Variants in KAZN observed in about 807,000 individuals in gnomAD.
KAZN encodes kazrin, periplakin interacting protein.
KAZN carries 40 observed loss-of-function variants against 87.4 expected under a neutral mutation model. The observed-to-expected ratio is 0.46, with a 90% CI of 0.36 to 0.60. KAZN has a LOEUF of 0.60. Among genes scored for constraint, KAZN ranks in the 20% least tolerant of loss-of-function variants. KAZN has a pLI of 0.00. For synonymous variants in KAZN, 466 were observed against 458.3 expected (o/e 1.02, Z -0.22); for missense variants, 898 against 1,073.9 (o/e 0.84, Z 2.29).
At position 14,996,627 on chromosome 1, in the gene KAZN, A is replaced by G. The variant is rs929206201; in HGVS notation, c.418+35752A>G. Among the ~76,000 whole-genome samples, 3 of 152,222 alleles carry G rather than the reference A, an allele frequency of 2.0e-5. No individual in the cohort carries two copies. Among genetic ancestry groups the G allele is most frequent in the East Asian group, 1.9e-4 (1 of 5,202 alleles). On this transcript the variant is annotated intron_variant, in intron 2 of 14. Transcript: ENST00000376030. This position sits in a 1 kb window ranked among gnomAD's most constrained non-coding sequence, Gnocchi z 5.9. ...CGCCAGCACCCTCCCACGGGCGTGC[A>G]GATCTGACAAGATCAGGATCTGGGT... is the stretch of plus-strand genomic sequence containing the variant.
chr1:14,960,590 C>A, intron 1 of KAZN, 94 bp from the exon 2 acceptor site: 1 of 1,375,798 alleles, frequency 7.3e-7, no homozygotes, highest in Non-Finnish European at 9.9e-7. Context: ...GCAGAGCAAA[C>A]AAAAAAGCCA....
At chr1:14,495,221 T>C (rs1008515508) in intron 2 of KAZN, among the ~76,000 whole-genome samples, 2 of 152,218 alleles carry the variant, frequency 1.3e-5, no homozygotes, top group African/African-American at 4.8e-5. Flanking sequence ...CAGGTTAAAG[T>C]AGATTTCATT....
At chr1:15,097,143 T>C (rs1281645962) in intron 10 of KAZN, among the ~76,000 whole-genome samples, 1 of 152,128 alleles carries the variant, frequency 6.6e-6, no homozygotes, top group Non-Finnish European at 1.5e-5. Flanking sequence ...ATTAGGACAG[T>C]GGTTTTTAAA....
At chr1:14,288,688 C>T (rs1184956990) in intron 2 of KAZN, among the ~76,000 whole-genome samples, 1 of 152,170 alleles carries the variant, frequency 6.6e-6, no homozygotes, top group Non-Finnish European at 1.5e-5. Context: ...TCCTTCAGTT[C>T]TGCTCTGATC....
At position 14,229,805 on chromosome 1, in the gene KAZN, T is replaced by C. The variant is rs144652564; in HGVS notation, c.249+49213T>C. ...TCAAGAAATATCTACAGGAAGATGTTCTGAAAAATTGAGTCTCTCTCGCAG... is the reference window on the plus strand; with the variant it reads ...TCAAGAAATATCTACAGGAAGATGTCCTGAAAAATTGAGTCTCTCTCGCAG... On this transcript the variant is annotated intron_variant, in intron 2 of 16. Coordinates refer to the KAZN transcript ENST00000636203. Among the ~76,000 whole-genome samples, 350 of 152,362 alleles carry C rather than the reference T, an allele frequency of 2.3e-3. 2 individuals carry two copies. The highest frequency in any genetic ancestry group is 7.8e-3 in the African/African-American group (326 of 41,596).
At chr1:14,690,054 C>A (rs1297859117) in intron 1 of KAZN, among the ~76,000 whole-genome samples, 2 of 152,070 alleles carry the variant, frequency 1.3e-5, no homozygotes, top group Non-Finnish European at 2.9e-5. Flanking sequence ...CCCTTTATGG[C>A]CAAAGCAACC....
intron 2 of KAZN, among the ~76,000 whole-genome samples, chr1:14,472,374 G>GA (rs1447157309): frequency 1.3e-5 from 2 of 152,208 alleles, no homozygotes; most frequent in East Asian, 3.8e-4. Context: ...ATGCAATGGG[G>GA]AAGAGTCTAT....
intron 2 of KAZN, among the ~76,000 whole-genome samples, chr1:14,556,015 T>C (rs1673844379): frequency 6.6e-6 from 1 of 152,188 alleles, no homozygotes; most frequent in South Asian, 2.1e-4. Context: ...CATTCGGTGA[T>C]ATGTTGTTTA....
chr1:15,027,253 T>C (rs1485291029), intron 2 of KAZN, among the ~76,000 whole-genome samples: 1 of 151,964 alleles, frequency 6.6e-6, no homozygotes, highest in African/African-American at 2.4e-5. Flanking sequence ...GCTAATTTTT[T>C]GTAATTTTAG....
chr1:14,425,233 C>A (rs1358644944), intron 2 of KAZN, among the ~76,000 whole-genome samples: 1 of 152,144 alleles, frequency 6.6e-6, no homozygotes, highest in Admixed American at 6.5e-5. Flanking sequence ...AGGGTCAGGC[C>A]ATGGGAGACA....
chr1:14,264,708 T>C (rs984728582), intron 2 of KAZN, among the ~76,000 whole-genome samples: 1 of 152,216 alleles, frequency 6.6e-6, no homozygotes, highest in Non-Finnish European at 1.5e-5. Flanking sequence ...AAATTACCCA[T>C]CTGTAGTATT....
chr1:14,021,953 C>CTTTTTTTT lies in KAZN; in HGVS notation c.91+128209_91+128216dup, dbSNP rs141959214. Among the ~76,000 whole-genome samples, 45 of 114,266 alleles carry CTTTTTTTT rather than the reference C, an allele frequency of 3.9e-4. 2 individuals are homozygous for CTTTTTTTT. Among genetic ancestry groups the CTTTTTTTT allele is most frequent in the Admixed American group, 8.6e-4 (8 of 9,340 alleles). The allele number at this position is 114,266 out of a possible 152,430, so 75.0% of individuals were successfully genotyped here. ...AGGAAATGGGATGTGAATGAACATG[C>CTTTTTTTT]TTTTTTTTTTTTTTTTTTTGTAACG... On this transcript the variant is annotated intron_variant, in intron 1 of 16. Coordinates refer to the KAZN transcript ENST00000636203.
At position 15,035,483 on chromosome 1, in the gene KAZN, T is replaced by A. The variant is rs759866909; in HGVS notation, c.555+598T>A. ...GTTTATGGGCCAGACAACTGAGGAA[T>A]TTGTTTCACCATGTATCTCTCTGGT... On this transcript the variant is annotated intron_variant, in intron 3 of 14. Transcript: ENST00000376030. 7.4e-4 allele frequency among the ~76,000 whole-genome samples: 112 copies of A among 152,086 alleles called. 1 individual carries two copies. The highest frequency in any genetic ancestry group is 1.4e-3 in the Non-Finnish European group (92 of 68,012).
chr1:14,145,016 C>A (rs1645316148), intron 1 of KAZN, among the ~76,000 whole-genome samples: 1 of 152,184 alleles, frequency 6.6e-6, no homozygotes, highest in African/African-American at 2.4e-5. Flanking sequence ...TAGACGTTAC[C>A]TTCATGCAAT....
chr1:14,054,094 C>T (rs766441518), intron 1 of KAZN, among the ~76,000 whole-genome samples: 12 of 150,566 alleles, frequency 8.0e-5, no homozygotes, highest in Non-Finnish European at 1.5e-4. Flanking sequence ...GTGGTTTGTC[C>T]GTGAGTTTTT....
intron 1 of KAZN, among the ~76,000 whole-genome samples, chr1:14,690,975 GT>G (rs1410535690): frequency 6.6e-6 from 1 of 152,096 alleles, no homozygotes; most frequent in African/African-American, 2.4e-5. Context: ...ACAAATGCAT[GT>G]TTTCATACCT....
chr1:14,608,516 A>C (rs770323006), intron 1 of KAZN, among the ~76,000 whole-genome samples: 2 of 152,246 alleles, frequency 1.3e-5, no homozygotes, highest in Admixed American at 6.5e-5. Flanking sequence ...TAGGGGTTAA[A>C]ACTGGCTGTG....
chr1:14,398,483 C>A (rs1042990711), intron 2 of KAZN, among the ~76,000 whole-genome samples: 1 of 152,166 alleles, frequency 6.6e-6, no homozygotes, highest in Non-Finnish European at 1.5e-5. Flanking sequence ...ACAGCAAGCA[C>A]TGTAGAAGTG....
At chr1:15,013,643 C>A (rs1669802711) in intron 2 of KAZN, among the ~76,000 whole-genome samples, 1 of 151,650 alleles carries the variant, frequency 6.6e-6, no homozygotes. Context: ...GTAGTTCCAG[C>A]TACTCAGAGG....
Sources: allele counts gnomAD v4.1 joint callset (sites outside exome capture counted in the v4.1 genomes callset), GRCh38; gene constraint gnomAD v4.1.1; non-coding constraint Gnocchi (gnomAD v3.1); transcripts MANE v1.5; gene names NCBI Gene and HGNC (gene_info 2026-07-23, HGNC 2026-07-21).